AKIRIN1: variants seen among roughly 807,000 people sequenced by gnomAD.
AKIRIN1 encodes the protein akirin 1, also known as akirin-1.
In AKIRIN1, 4 loss-of-function variants were observed where a neutral mutation model predicts 25.9. The observed-to-expected ratio is 0.15, with a 90% CI of 0.08 to 0.35. The LOEUF (loss-of-function observed/expected upper bound fraction) is 0.35, where lower values mean the gene tolerates loss of function less well. AKIRIN1 is among the 10% of genes least tolerant of loss of function. AKIRIN1 has a pLI of 1.00. For synonymous variants in AKIRIN1, 125 were observed against 105.1 expected, an observed-to-expected ratio of 1.19 and a Z score of -1.16; for missense variants, 243 against 266.1, an observed-to-expected ratio of 0.91 and a Z score of 0.61.
intron 3 of AKIRIN1, among the ~76,000 whole-genome samples, chr1:39,002,827 A>T (rs952872414): frequency 6.6e-6 from 1 of 152,166 alleles, no homozygotes; most frequent in African/African-American, 2.4e-5. Context: ...CTTTGTTCAC[A>T]GATGTCAGGC....
intron 3 of AKIRIN1, 121 bp downstream of exon 3, chr1:39,001,227 A>G: frequency 2.7e-6 from 3 of 1,121,964 alleles, no homozygotes; most frequent in East Asian, 6.1e-5. Flanking sequence ...AGTTGCGGGT[A>G]TGGAAGTTAC....
intron 1 of AKIRIN1, among the ~76,000 whole-genome samples, chr1:38,997,716 G>A (rs1185709600): frequency 6.6e-6 from 1 of 152,128 alleles, no homozygotes; most frequent in African/African-American, 2.4e-5. Flanking sequence ...TTGTTAGAAG[G>A]TCTTGGGCAG....
chr1:38,992,074 T>C (rs982905002), intron 1 of AKIRIN1, among the ~76,000 whole-genome samples: 1 of 152,010 alleles, frequency 6.6e-6, no homozygotes, highest in Non-Finnish European at 1.5e-5. Context: ...AGACATGATT[T>C]CCAGAAGTCT....
At chr1:39,000,906 C>T in intron 2 of AKIRIN1, 66 bp from the exon 3 acceptor site, 4 of 1,507,646 alleles carry the variant, frequency 2.7e-6, no homozygotes, top group Non-Finnish European at 3.6e-6. Flanking sequence ...CTTGGCCTCC[C>T]AAAGTGCTGG....
At chr1:38,992,543 G>T (rs947124049) in intron 1 of AKIRIN1, among the ~76,000 whole-genome samples, 4 of 152,072 alleles carry the variant, frequency 2.6e-5, no homozygotes, top group African/African-American at 7.2e-5. Flanking sequence ...CTTTTCAGTA[G>T]CAGTGCCTTC....
At chr1:38,997,322 C>A (rs955594352) in intron 1 of AKIRIN1, among the ~76,000 whole-genome samples, 3 of 152,070 alleles carry the variant, frequency 2.0e-5, no homozygotes, top group African/African-American at 7.2e-5. Context: ...AGCAAATTTG[C>A]TTTGTGATTA....
intron 2 of AKIRIN1, 79 bp from the exon 3 acceptor site, chr1:39,000,893 T>A: frequency 6.9e-7 from 1 of 1,456,336 alleles, no homozygotes. Flanking sequence ...ATGATCCGCC[T>A]GCCTTGGCCT....
intron 1 of AKIRIN1, among the ~76,000 whole-genome samples, chr1:38,992,352 TCATAGCG>T (rs1334592622): frequency 1.3e-5 from 2 of 152,100 alleles, no homozygotes; most frequent in African/African-American, 4.8e-5. Flanking sequence ...AGTAGACACC[TCATAGCG>T]CAGGAGTAGA....
chr1:39,003,226 TTA>T, intron 3 of AKIRIN1, 119 bp from the exon 4 acceptor site: 1 of 882,260 alleles, frequency 1.1e-6, no homozygotes, highest in Non-Finnish European at 1.8e-6. Context: ...ACAAGGACCT[TTA>T]TAAAGAGGGC....
chr1:38,995,180 C>T (rs538618248), intron 1 of AKIRIN1, among the ~76,000 whole-genome samples: 2 of 151,996 alleles, frequency 1.3e-5, no homozygotes, highest in African/African-American at 4.8e-5. Flanking sequence ...ACAGGGAAAC[C>T]ATGAGAGCAA....
In AKIRIN1 at chr1:38,991,546, C is replaced by G. The variant is rs1643905341; in HGVS notation, c.166C>G (p.Gln56Glu). ...PPPFQTQTPP[Q>E]SLQQPAPPGS... Reference sequence around the variant, plus strand: ...GCCGTTTCAGACGCAGACCCCACCGCAGAGTCTGCAGCAGCCCGCCCCGCC... The same window carrying G: ...GCCGTTTCAGACGCAGACCCCACCGGAGAGTCTGCAGCAGCCCGCCCCGCC... Residue 56 changes from glutamine to glutamate, a missense_variant, in exon 1 of 5, where the codon CAG becomes GAG. By Grantham distance (29) the Gln-to-Glu change is conservative. Around this residue, in one of 3 missense-constraint regions of AKIRIN1, gnomAD observed 190 missense variants for 174.4 expected, o/e 1.09. Coordinates refer to ENST00000432648, the MANE Select transcript of AKIRIN1 (RefSeq NM_024595.3). 1.4e-6 allele frequency: 2 copies of G among 1,450,650 alleles called. No individual in the cohort carries two copies. Among genetic ancestry groups the G allele is most frequent in the East Asian group, 6.0e-5 (2 of 33,604 alleles). 89.9% of individuals were successfully genotyped at this position (1,450,650 alleles called of 1,614,324 possible). A position where few individuals can be genotyped will look rare whatever the true frequency, so the allele number is the denominator to read the frequency against.
intron 1 of AKIRIN1, among the ~76,000 whole-genome samples, chr1:38,995,645 G>A (rs1215356964): frequency 6.6e-6 from 1 of 152,148 alleles, no homozygotes; most frequent in Non-Finnish European, 1.5e-5. Flanking sequence ...AAGACCTTCT[G>A]TTCTCTTAAG....
chr1:39,001,233 G>A (rs1643988803), intron 3 of AKIRIN1, 127 bp downstream of exon 3: 1 of 946,896 alleles, frequency 1.1e-6, no homozygotes, highest in Non-Finnish European at 1.5e-6. Flanking sequence ...GGGTATGGAA[G>A]TTACTCTTTG....
chr1:39,004,960 G>C lies in AKIRIN1; in HGVS notation c.*905G>C, dbSNP rs1644023584. On this transcript the variant is annotated 3_prime_UTR_variant, in exon 5 of 5. Coordinates refer to ENST00000432648, the MANE Select transcript of AKIRIN1 (RefSeq NM_024595.3). ...CAGGGCTAGGCCTGGGCCAGGCCCC[G>C]GCAGCACTGCTACTTGGGAGGAGCC... 1.3e-5 allele frequency: 2 copies of C among 152,258 alleles called. No homozygotes were observed. Among genetic ancestry groups the C allele is most frequent in the African/African-American group, 4.8e-5 (2 of 41,444 alleles). The allele number at this position is 152,258 out of a possible 1,614,324, so 9.4% of individuals were successfully genotyped here.
intron 1 of AKIRIN1, among the ~76,000 whole-genome samples, 195 bp downstream of exon 1, chr1:38,991,795 C>G (rs953246660): frequency 6.6e-6 from 1 of 152,140 alleles, no homozygotes; most frequent in Admixed American, 6.5e-5. Flanking sequence ...AATGGGGCCA[C>G]AGGGTCGGTT....
intron 2 of AKIRIN1, among the ~76,000 whole-genome samples, chr1:38,999,016 G>A (rs1230471481): frequency 6.6e-6 from 1 of 152,020 alleles, no homozygotes; most frequent in African/African-American, 2.4e-5. Context: ...GTTCAACAGG[G>A]GCTGCTCATT....
intron 4 of AKIRIN1, 30 bp from the exon 5 acceptor site, chr1:39,004,014 AC>A (rs774796678): frequency 1.3e-6 from 2 of 1,591,748 alleles, no homozygotes; most frequent in Non-Finnish European, 1.7e-6. Flanking sequence ...TAGTATTCTT[AC>A]CCTTTTTGTT....
At chr1:38,994,944 A>T (rs1363670895) in intron 1 of AKIRIN1, among the ~76,000 whole-genome samples, 3 of 149,416 alleles carry the variant, frequency 2.0e-5, no homozygotes, top group Non-Finnish European at 4.5e-5. Flanking sequence ...CCTGCCTCAG[A>T]CTCCCAAAGT....
chr1:39,003,258 A>C, intron 3 of AKIRIN1, 89 bp from the exon 4 acceptor site: 1 of 1,288,748 alleles, frequency 7.8e-7, no homozygotes, highest in Non-Finnish European at 1.1e-6. Flanking sequence ...TGAAGAATTC[A>C]AACTGGGAAG....
Sources: gnomAD v4.1 joint callset for allele counts (sites outside exome capture counted in the v4.1 genomes callset) on GRCh38, gnomAD v4.1.1 for gene constraint, gnomAD v4.1.1 regional missense constraint, MANE v1.5 for transcripts, NCBI Gene and HGNC (gene_info 2026-07-23, HGNC 2026-07-21) for gene names.